CALN1: variants seen among roughly 807,000 people sequenced by gnomAD.
CALN1 encodes calneuron 1, also known as calcium-binding protein 8.
CALN1 carries 17 observed loss-of-function variants against 30.6 expected under a neutral mutation model. The ratio of observed to expected loss-of-function variants is 0.56; its 90% CI spans 0.38 to 0.83. The LOEUF (loss-of-function observed/expected upper bound fraction) is 0.83, where lower values mean the gene tolerates loss of function less well. Among genes scored for constraint, CALN1 ranks in the 40% least tolerant of loss-of-function variants. CALN1 has a pLI of 0.00. For missense variants in CALN1, 291 were observed against 354.9 expected (o/e 0.82, Z 1.45); for synonymous variants, 156 against 131.4 (o/e 1.19, Z -1.28).
chr7:72,209,438 CTCCT>C (rs375561703), intron 3 of CALN1, among the ~76,000 whole-genome samples: 3 of 112,310 alleles, frequency 2.7e-5, no homozygotes, highest in Non-Finnish European at 5.2e-5. Flanking sequence ...CCCTCCTTCC[CTCCT>C]TCCTTCCTTA....
the CALN1 span, among the ~76,000 whole-genome samples, chr7:72,456,435 A>G: frequency 0.29 from 44,714 of 152,028 alleles, 7,968 homozygotes; most frequent in African/African-American, 0.49. Flanking sequence ...CTACTCAGAA[A>G]GCTGAGGCAA....
chr7:71,816,630 G>A (rs1479500453), intron 5 of CALN1, among the ~76,000 whole-genome samples: 2 of 152,148 alleles, frequency 1.3e-5, no homozygotes, highest in African/African-American at 4.8e-5. Context: ...GCAACGAGAA[G>A]AGAAGGAAAG....
intron 3 of CALN1, among the ~76,000 whole-genome samples, chr7:72,159,476 G>A (rs1271904904): frequency 6.6e-6 from 1 of 152,032 alleles, no homozygotes; most frequent in Non-Finnish European, 1.5e-5. Context: ...CTCCAGCCTG[G>A]GCAACAGAGC....
chr7:71,842,598 C>CACCG, intron 5 of CALN1, among the ~76,000 whole-genome samples: 1 of 152,270 alleles, frequency 6.6e-6, no homozygotes, highest in South Asian at 2.1e-4. Context: ...CAGAGAAATA[C>CACCG]ACCGGTACAT....
chr7:72,481,278 G>T, the CALN1 span, among the ~76,000 whole-genome samples: 1 of 152,166 alleles, frequency 6.6e-6, no homozygotes, highest in Non-Finnish European at 1.5e-5. Flanking sequence ...AGTAGAGACA[G>T]GGTTTCTTCA....
chr7:71,888,156 A>G (rs962039098), intron 5 of CALN1, among the ~76,000 whole-genome samples: 3 of 152,118 alleles, frequency 2.0e-5, no homozygotes, highest in Non-Finnish European at 4.4e-5. Context: ...GCTAAGGAGT[A>G]GGGTCTGGGG....
At chr7:72,004,135 C>A (rs1343386541) in intron 5 of CALN1, among the ~76,000 whole-genome samples, 2 of 152,140 alleles carry the variant, frequency 1.3e-5, no homozygotes, top group African/African-American at 4.8e-5. Flanking sequence ...TTAAGTCTTA[C>A]TATATAGTTA....
chr7:72,178,980 T>C (rs1789565458), intron 3 of CALN1, among the ~76,000 whole-genome samples: 1 of 152,210 alleles, frequency 6.6e-6, no homozygotes, highest in African/African-American at 2.4e-5. Context: ...CCCAATAATA[T>C]TTGGTTTCCT....
At chr7:72,470,918 A>C in the CALN1 span, among the ~76,000 whole-genome samples, 1 of 151,720 alleles carries the variant, frequency 6.6e-6, no homozygotes, top group Non-Finnish European at 1.5e-5. Flanking sequence ...AAGACAGTTG[A>C]CCCCCACGTG....
chr7:72,355,341 C>G (rs1352693336), intron 2 of CALN1, among the ~76,000 whole-genome samples: 1 of 152,078 alleles, frequency 6.6e-6, no homozygotes, highest in Non-Finnish European at 1.5e-5. Flanking sequence ...GCCTGGCCAA[C>G]ATGGTGAAAA....
At chr7:72,037,729 G>A (rs1200998655) in intron 4 of CALN1, among the ~76,000 whole-genome samples, 2 of 151,988 alleles carry the variant, frequency 1.3e-5, no homozygotes, top group Non-Finnish European at 2.9e-5. Flanking sequence ...CAGGGTTGTG[G>A]GTGGGGAATG....
rs187443284 is a variant in CALN1 at position 71,994,876 on chromosome 7, G to A, written c.501+28781C>T. On this transcript the variant is annotated intron_variant, in intron 5 of 6. Coordinates refer to ENST00000395275, the MANE Select transcript of CALN1 (RefSeq NM_031468.4). The stretch of plus-strand genomic sequence containing the variant: ...ATTTTTTTTTTTTTTTTTTCGAGAC[G>A]GAGTCTGGCTCTGTCCCCCAGGCTG... Among the ~76,000 whole-genome samples, 45 of 142,246 alleles carry A rather than the reference G, an allele frequency of 3.2e-4. No individual in the cohort carries two copies. In the East Asian group the frequency reaches 5.0e-3, roughly 16 times the overall value. The allele number at this position is 142,246 out of a possible 152,430, so 93.3% of individuals were successfully genotyped here.
intron 6 of CALN1, among the ~76,000 whole-genome samples, chr7:71,805,158 C>A (rs1787531802): frequency 6.6e-6 from 1 of 152,162 alleles, no homozygotes; most frequent in African/African-American, 2.4e-5. Context: ...TCCATCTCTG[C>A]CACAAAATGT....
intron 5 of CALN1, among the ~76,000 whole-genome samples, chr7:71,954,983 A>G (rs1796883950): frequency 6.6e-6 from 1 of 152,168 alleles, no homozygotes; most frequent in Admixed American, 6.5e-5. Context: ...AGAGTTGTCT[A>G]AGTATGTTTG....
chr7:72,053,749 TA>T (rs1802990762), intron 4 of CALN1, among the ~76,000 whole-genome samples: 1 of 152,166 alleles, frequency 6.6e-6, no homozygotes, highest in Non-Finnish European at 1.5e-5. Flanking sequence ...CCCAGCAGTA[TA>T]CACTGCACCA....
At chr7:72,250,427 G>A (rs1376016457) in intron 3 of CALN1, among the ~76,000 whole-genome samples, 1 of 152,204 alleles carries the variant, frequency 6.6e-6, no homozygotes, top group East Asian at 1.9e-4. Flanking sequence ...TGAGAGTGAT[G>A]TCAGGCACAT....
chr7:72,338,469 C>CAGTGTG (rs1802205430), intron 2 of CALN1, among the ~76,000 whole-genome samples: 1 of 41,946 alleles, frequency 2.4e-5, no homozygotes, highest in East Asian at 6.9e-4. Context: ...GCCAGCAGCA[C>CAGTGTG]AGTGTGTGTG....
intron 5 of CALN1, among the ~76,000 whole-genome samples, chr7:71,954,594 G>C (rs993073851): frequency 1.3e-5 from 2 of 152,252 alleles, no homozygotes; most frequent in Non-Finnish European, 2.9e-5. Context: ...CATGGCTCCA[G>C]TGAGCTGTGA....
intron 5 of CALN1, among the ~76,000 whole-genome samples, chr7:71,912,266 T>A (rs1794464307): frequency 1.3e-5 from 2 of 152,000 alleles, no homozygotes; most frequent in African/African-American, 4.8e-5. Context: ...CCTGAGACTT[T>A]CTGCTGTGCC....
Sources: gnomAD v4.1 joint callset for allele counts (sites outside exome capture counted in the v4.1 genomes callset) on GRCh38, gnomAD v4.1.1 for gene constraint, MANE v1.5 for transcripts, NCBI Gene and HGNC (gene_info 2026-07-23, HGNC 2026-07-21) for gene names.